Variants in LAMTOR1 observed in about 807,000 individuals in gnomAD.
The protein encoded by LAMTOR1 is late endosomal/lysosomal adaptor, MAPK and MTOR activator 1.
In LAMTOR1, 8 loss-of-function variants were observed where a neutral mutation model predicts 20.5. That is an observed-to-expected ratio of 0.39 (90% confidence interval 0.23 to 0.70). LAMTOR1 has a LOEUF of 0.70. LAMTOR1 is among the 30% of genes least tolerant of loss of function. The pLI is 0.43. For synonymous variants in LAMTOR1, 77 were observed against 80.9 expected (o/e 0.95, Z 0.26); for missense variants, 135 against 206.2 (o/e 0.65, Z 2.11).
chr11:72,098,952 A>C, intron 2 of LAMTOR1, 94 bp from the exon 3 acceptor site: 1 of 1,352,354 alleles, frequency 7.4e-7, no homozygotes, highest in Non-Finnish European at 1.0e-6. Context: ...GCTATCTGAC[A>C]CCAGTTTCCC....
rs753033939 is a variant in LAMTOR1, at chr11:72,098,301, A to G, written c.381T>C (p.Ser127=). 3.1e-6 allele frequency: 5 copies of G among 1,613,732 alleles called. No homozygotes were observed. The African/African-American group carries it at 4.0e-5, about 13-fold the overall frequency. Residue 127 remains serine, a synonymous_variant, in exon 4 of 5, where the codon TCT becomes TCC. Coordinates refer to ENST00000278671, the MANE Select transcript of LAMTOR1 (RefSeq NM_017907.3). ...QVLASEPIPF[S]DLQQVSRIAA... is the part of the protein sequence containing the mutation. Reference sequence around the variant, plus strand: ...AGGGGTGTCTCACCTGCTGCAAATCAGAGAACGGGATGGGCTCACTGGCCA... The same window carrying G: ...AGGGGTGTCTCACCTGCTGCAAATCGGAGAACGGGATGGGCTCACTGGCCA...
intron 1 of LAMTOR1, 83 bp downstream of exon 1, chr11:72,103,100 C>G (rs1047806482): frequency 1.1e-5 from 17 of 1,512,700 alleles, no homozygotes; most frequent in Non-Finnish European, 1.5e-5. Flanking sequence ...AGTCCGGCTG[C>G]CCGTCCTCCG....
chr11:72,098,758 AC>A, intron 3 of LAMTOR1, 22 bp downstream of exon 3: 1 of 1,509,264 alleles, frequency 6.6e-7, no homozygotes. Flanking sequence ...AGCCTGAGGG[AC>A]CCACGCTGGC....
At chr11:72,102,007 A>G (rs1447603458) in intron 1 of LAMTOR1, among the ~76,000 whole-genome samples, 2 of 152,228 alleles carry the variant, frequency 1.3e-5, no homozygotes, top group Non-Finnish European at 1.5e-5. Context: ...TAGGCACAAC[A>G]CATGCCTAAC....
chr11:72,102,353 A>T (rs1052905669), intron 1 of LAMTOR1, among the ~76,000 whole-genome samples: 2 of 152,206 alleles, frequency 1.3e-5, no homozygotes, highest in Admixed American at 6.5e-5. Flanking sequence ...CAGGGATTAG[A>T]GTGTGGGGAG....
rs1945339591 is a variant in LAMTOR1, at chr11:72,098,981, G to A, written c.189-123C>T. ...GTTTCCCTCCTGCCTACTGGAGCAGGGCTGGACATGGAGGCACCTCTCCCC... is the reference window on the plus strand; with the variant it reads ...GTTTCCCTCCTGCCTACTGGAGCAGAGCTGGACATGGAGGCACCTCTCCCC... On this transcript the variant is annotated intron_variant, in intron 2 of 4. Coordinates refer to ENST00000278671, the MANE Select transcript of LAMTOR1 (RefSeq NM_017907.3). The A allele has an allele frequency of 7.2e-6, 10 of 1,398,340 alleles. No homozygotes were observed. The Admixed American group carries it at 1.4e-4, about 19-fold the overall frequency. 86.6% of individuals were successfully genotyped at this position (1,398,340 alleles called of 1,614,324 possible).
At position 72,103,291 on chromosome 11, in the gene LAMTOR1, G is replaced by C; in HGVS notation, c.-67C>G. On this transcript the variant is annotated 5_prime_UTR_variant, in exon 1 of 5. Transcript: ENST00000278671. The stretch of plus-strand genomic sequence containing the variant: ...ACGGCGTCCGTGAGGAGCCCTTCCG[G>C]TCACATGACCCGCGGCGGCCTCCCG... The C allele has an allele frequency of 1.3e-6, 2 of 1,527,926 alleles. No homozygotes were observed. Among genetic ancestry groups the C allele is most frequent in the South Asian group, 1.2e-5 (1 of 81,374 alleles). 94.6% of individuals were successfully genotyped at this position (1,527,926 alleles called of 1,614,324 possible).
rs748682912 is a variant in LAMTOR1, at chr11:72,099,245, C to T, written c.54G>A (p.Glu18=). Residue 18 remains glutamate (E), a synonymous_variant, in exon 2 of 5, where the codon GAG becomes GAA. Coordinates refer to ENST00000278671, the MANE Select transcript of LAMTOR1 (RefSeq NM_017907.3). The part of the protein sequence containing the change: ...ENEDSDQDRE[E]RKLLLDPSSP... ...TGCTAGGGTCCAGCAGCAGCTTCCG[C>T]TCCTCTCGGTCCTAGAAGTGGTCAT... 17 of 1,582,758 alleles carry T rather than the reference C, an allele frequency of 1.1e-5. No homozygotes were observed. Among genetic ancestry groups the T allele is most frequent in the Non-Finnish European group, 8.6e-7 (1 of 1,162,490 alleles).
intron 4 of LAMTOR1, 169 bp from the exon 5 acceptor site, chr11:72,098,083 G>T: frequency 9.8e-7 from 1 of 1,019,484 alleles, no homozygotes; most frequent in Non-Finnish European, 1.4e-6. Context: ...AGAACAAAGG[G>T]GAGTGAAACA....
intron 3 of LAMTOR1, 115 bp from the exon 4 acceptor site, chr11:72,098,530 G>A (rs1485256434): frequency 1.5e-6 from 2 of 1,290,544 alleles, no homozygotes; most frequent in Non-Finnish European, 2.1e-6. Context: ...AGGGGTATCT[G>A]GGAGGGAAGG....
chr11:72,099,904 T>C (rs1340873142), intron 1 of LAMTOR1, among the ~76,000 whole-genome samples: 1 of 152,224 alleles, frequency 6.6e-6, no homozygotes, highest in Non-Finnish European at 1.5e-5. Flanking sequence ...TCCTGTGCTC[T>C]GGTGCTCTTT....
intron 1 of LAMTOR1, among the ~76,000 whole-genome samples, chr11:72,102,138 C>A (rs533630036): frequency 6.6e-6 from 1 of 152,334 alleles, no homozygotes; most frequent in East Asian, 1.9e-4. Flanking sequence ...AATACGTTCA[C>A]TGAAGAACGA....
chr11:72,098,278 G>A lies in LAMTOR1; in HGVS notation c.393+11C>T, dbSNP rs1945306554. 2 of 1,610,310 alleles carry A rather than the reference G, an allele frequency of 1.2e-6. No homozygotes were observed. ...AGAAGGGTGGGCAGGGGCAGGTGAG[G>A]GGTGTCTCACCTGCTGCAAATCAGA... On this transcript the variant is annotated intron_variant, in intron 4 of 4. Coordinates refer to ENST00000278671, the MANE Select transcript of LAMTOR1 (RefSeq NM_017907.3).
chr11:72,103,253 G>T lies in LAMTOR1; in HGVS notation c.-29C>A. On this transcript the variant is annotated 5_prime_UTR_variant, in exon 1 of 5. Transcript: ENST00000278671. The stretch of plus-strand genomic sequence containing the variant: ...CGGGGTCGGGCCGGGCGCTCAGGCC[G>T]CGCCGAGGAGGGACGGCGTCCGTGA... The T allele has an allele frequency of 6.4e-7, 1 of 1,550,756 alleles. No homozygotes were observed.
In LAMTOR1 at chr11:72,098,413, G is replaced by A; in HGVS notation, c.269C>T (p.Thr90Ile). The A allele has an allele frequency of 6.2e-7, 1 of 1,611,816 alleles. No individual in the cohort carries two copies. The highest frequency in any genetic ancestry group is 8.5e-7 in the Non-Finnish European group (1 of 1,179,168). The change falls in exon 4 of 5, where the codon ACC becomes ATC. Residue 90 changes from threonine to isoleucine, a missense_variant and splice_region_variant. Transcript: ENST00000278671. Reference protein sequence around the residue: ...EYMDRARQYSTRLAVLSSSLT... With the variant: ...EYMDRARQYSIRLAVLSSSLT... ...GCTGCTGCTCAGCACAGCCAAGCGGGTGCTGACCAAGAGAGAGGGGGTGGG... is the reference window on the plus strand; with the variant it reads ...GCTGCTGCTCAGCACAGCCAAGCGGATGCTGACCAAGAGAGAGGGGGTGGG...
At position 72,097,881 on chromosome 11, in the gene LAMTOR1, G is replaced by A; in HGVS notation, c.427C>T (p.Leu143Phe). 1.2e-6 allele frequency: 2 copies of A among 1,610,316 alleles called. No homozygotes were observed. The highest frequency in any genetic ancestry group is 1.7e-6 in the Non-Finnish European group (2 of 1,177,202). The stretch of plus-strand genomic sequence containing the variant: ...TTTGCGTCCACACGGATCTGAGAAA[G>A]TGCACTGTAGGCATAAGCAGCTATC... ...SRIAAYAYSA[L>F]SQIRVDAKEE... Residue 143 changes from leucine to phenylalanine, a missense_variant, in exon 5 of 5, where the codon CTT (leucine) becomes TTT (phenylalanine). Physicochemically the swap from Leu to Phe is conservative, Grantham distance 22. Transcript: ENST00000278671.
At chr11:72,098,069 GA>G (rs1945293643) in intron 4 of LAMTOR1, 155 bp from the exon 5 acceptor site, 1 of 1,077,476 alleles carries the variant, frequency 9.3e-7, no homozygotes. Flanking sequence ...GAGACAGAAG[GA>G]AAAGAACAAA....
In LAMTOR1 at chr11:72,098,311, A is replaced by G. The variant is rs756998202; in HGVS notation, c.371T>C (p.Ile124Thr). The G allele has an allele frequency of 1.2e-5, 19 of 1,613,582 alleles. No homozygotes were observed. The East Asian group carries it at 4.0e-4, about 34-fold the overall frequency. Reference sequence around the variant, plus strand: ...CACCTGCTGCAAATCAGAGAACGGGATGGGCTCACTGGCCAGCACTTGGTG... The same window carrying G: ...CACCTGCTGCAAATCAGAGAACGGGGTGGGCTCACTGGCCAGCACTTGGTG... ...QPHQVLASEP[I>T]PFSDLQQVSR... Residue 124 changes from isoleucine (I) to threonine (T), a missense_variant, in exon 4 of 5, where the codon ATC becomes ACC. Physicochemically the swap from Ile to Thr is moderately conservative, Grantham distance 89. Transcript: ENST00000278671.
chr11:72,100,146 C>T lies in LAMTOR1; in HGVS notation c.43-890G>A, dbSNP rs375067036. ...CTTGGTAGTGTGAGCCCTGCAGTCC[C>T]ACCTACTTGGGAGGCTGAAGTGCAA... On this transcript the variant is annotated intron_variant, in intron 1 of 4. Coordinates refer to ENST00000278671, the MANE Select transcript of LAMTOR1 (RefSeq NM_017907.3). Among the ~76,000 whole-genome samples, 54 of 152,250 alleles carry T rather than the reference C, an allele frequency of 3.5e-4. 1 individual carries two copies. The East Asian group carries it at 9.3e-3, about 26-fold the overall frequency.
Sources: gnomAD v4.1 joint callset for allele counts (sites outside exome capture counted in the v4.1 genomes callset) on GRCh38, gnomAD v4.1.1 for gene constraint, MANE v1.5 for transcripts, NCBI Gene and HGNC (gene_info 2026-07-23, HGNC 2026-07-21) for gene names.